Variants in DYNC2H1 observed in about 807,000 individuals in gnomAD.
The protein encoded by DYNC2H1 is dynein cytoplasmic 2 heavy chain 1.
A neutral mutation model predicts 570.0 loss-of-function variants in DYNC2H1; 410 were observed. The ratio of observed to expected loss-of-function variants is 0.72; its 90% CI spans 0.66 to 0.78. DYNC2H1 has a LOEUF of 0.78. DYNC2H1 is among the 30% of genes least tolerant of loss of function. The probability of loss-of-function intolerance (pLI) is 0.00; values close to 1 mark genes in which losing one functional copy is unlikely to be tolerated. For missense variants in DYNC2H1, 4,865 were observed against 5,046.4 expected (o/e 0.96, Z 1.09); for synonymous variants, 1,688 against 1,677.6 (o/e 1.01, Z -0.15).
chr11:103,109,690 TCAA>T lies in DYNC2H1; in HGVS notation c.121_123del (p.Asn41del), dbSNP rs1171980758. ...CCACTGTTGTGCAACTGTCTTGAAA[TCAA>T]CAACTTCTTGGATGACGGCAACCAG... On this transcript the variant is annotated inframe_deletion, in exon 1 of 89. Coordinates refer to ENST00000375735, the MANE Select transcript of DYNC2H1 (RefSeq NM_001377.3). The T allele has an allele frequency of 3.1e-6, 5 of 1,613,800 alleles. No individual in the cohort carries two copies. Among genetic ancestry groups the T allele is most frequent in the South Asian group, 1.1e-5 (1 of 91,078 alleles).
intron 70 of DYNC2H1, among the ~76,000 whole-genome samples, chr11:103,267,979 C>T (rs1407175888): frequency 2.0e-5 from 3 of 151,984 alleles, no homozygotes; most frequent in African/African-American, 7.2e-5. Context: ...ACTACTTCAT[C>T]TACTACTCTC....
rs1249911112 is a variant in DYNC2H1 at position 103,245,997 on chromosome 11, G to A, written c.10042+623G>A. Reference sequence around the variant, plus strand: ...AGCAAACTTTAAATAGAAAATTGATGTTATTGGGGCAACGCAGAGAAATAG... The same window carrying A: ...AGCAAACTTTAAATAGAAAATTGATATTATTGGGGCAACGCAGAGAAATAG... On this transcript the variant is annotated intron_variant, in intron 65 of 88. Transcript: ENST00000375735. This position sits in a 1 kb window ranked among gnomAD's most constrained non-coding sequence, Gnocchi z 4.5. 6.6e-6 allele frequency among the ~76,000 whole-genome samples: 1 copy of A among 152,062 alleles called. No homozygotes were observed. Among genetic ancestry groups the A allele is most frequent in the Non-Finnish European group, 1.5e-5 (1 of 67,992 alleles).
chr11:103,389,866 TTGTTA>T (rs1224606603), intron 83 of DYNC2H1, among the ~76,000 whole-genome samples: 1 of 152,160 alleles, frequency 6.6e-6, no homozygotes, highest in Admixed American at 6.5e-5. Flanking sequence ...GAGAGACAGT[TTGTTA>T]TAATTTCTGT....
At chr11:103,303,924 A>G (rs1867157835) in intron 76 of DYNC2H1, among the ~76,000 whole-genome samples, 1 of 152,118 alleles carries the variant, frequency 6.6e-6, no homozygotes, top group Admixed American at 6.6e-5. Flanking sequence ...GTTTATTTAC[A>G]CTTTATTTAC....
intron 83 of DYNC2H1, among the ~76,000 whole-genome samples, chr11:103,377,173 T>C (rs1941426845): frequency 6.6e-6 from 1 of 152,236 alleles, no homozygotes; most frequent in Non-Finnish European, 1.5e-5. Context: ...TGGGAAGTTT[T>C]CAGCTATTAT....
chr11:103,470,129 A>G (rs1945326249), intron 88 of DYNC2H1, among the ~76,000 whole-genome samples: 1 of 152,170 alleles, frequency 6.6e-6, no homozygotes, highest in Non-Finnish European at 1.5e-5. Flanking sequence ...CTGGAGCCAT[A>G]CCCACGTACT....
At position 103,115,235 on chromosome 11, in the gene DYNC2H1, T is replaced by A. The variant is rs1858325158; in HGVS notation, c.561T>A (p.Asn187Lys). The A allele has an allele frequency of 1.2e-6, 2 of 1,609,988 alleles. No homozygotes were observed. Among genetic ancestry groups the A allele is most frequent in the Non-Finnish European group, 1.7e-6 (2 of 1,178,030 alleles). The change falls in exon 4 of 89, where the codon AAT (asparagine) becomes AAA (lysine). Residue 187 changes from asparagine (N) to lysine (K), a missense_variant. Coordinates refer to ENST00000375735, the MANE Select transcript of DYNC2H1 (RefSeq NM_001377.3). Reference protein sequence around the residue: ...QFWIEQAHRGNKQISKERANY... With the variant: ...QFWIEQAHRGKKQISKERANY... ...GGATAGAACAAGCTCACCGTGGAAA[T>A]AAACAGATTAGTAAAGAAAGAGCCA...
At chr11:103,234,760 T>C (rs528592465) in intron 61 of DYNC2H1, among the ~76,000 whole-genome samples, 2 of 152,058 alleles carry the variant, frequency 1.3e-5, no homozygotes, top group African/African-American at 4.8e-5. Flanking sequence ...TACTGAGTTT[T>C]AAATGTGTAT....
chr11:103,300,330 C>T (rs763718781), intron 75 of DYNC2H1, among the ~76,000 whole-genome samples: 12 of 151,890 alleles, frequency 7.9e-5, no homozygotes, highest in Non-Finnish European at 1.5e-4. Flanking sequence ...AAATTATGGT[C>T]AGAATATAAA....
chr11:103,423,424 A>C (rs1943558102), intron 84 of DYNC2H1, among the ~76,000 whole-genome samples: 4 of 150,590 alleles, frequency 2.7e-5, no homozygotes. Context: ...AAAAAAAAAA[A>C]AAAAAAAAAA....
intron 17 of DYNC2H1, among the ~76,000 whole-genome samples, chr11:103,140,416 A>C (rs897986983): frequency 6.6e-6 from 1 of 152,008 alleles, no homozygotes. Flanking sequence ...GGTGGTGACA[A>C]AATCTCTCAG....
intron 73 of DYNC2H1, among the ~76,000 whole-genome samples, chr11:103,283,558 T>C (rs890794023): frequency 2.0e-5 from 3 of 152,182 alleles, no homozygotes; most frequent in African/African-American, 4.8e-5. Context: ...ACAGTAAGAA[T>C]AGCTAGCATT....
At chr11:103,284,268 T>C (rs1591522496) in intron 73 of DYNC2H1, among the ~76,000 whole-genome samples, 1 of 152,330 alleles carries the variant, frequency 6.6e-6, no homozygotes, top group East Asian at 1.9e-4. Flanking sequence ...CACTTGCCTA[T>C]GCTATATTCA....
Position 103,241,517 on chromosome 11 carries a change from A to G in DYNC2H1, c.9820-2176A>G. ...ATGTTACCTTTCTTCTTTTCATTTA[A>G]CTGCATCAGATCATTGGTTTGAAAT... On this transcript the variant is annotated intron_variant, in intron 63 of 88. Transcript: ENST00000375735. The surrounding 1 kb of genome is among the most constrained non-coding windows in gnomAD (Gnocchi z 5.1). The G allele has an allele frequency of 6.3e-7, 1 of 1,593,418 alleles. No individual in the cohort carries two copies. The highest frequency in any genetic ancestry group is 8.6e-7 in the Non-Finnish European group (1 of 1,164,656).
chr11:103,365,170 T>C (rs1315885253), intron 83 of DYNC2H1, among the ~76,000 whole-genome samples: 1 of 152,044 alleles, frequency 6.6e-6, no homozygotes, highest in Non-Finnish European at 1.5e-5. Context: ...GAAACCAGCC[T>C]GACAAACATG....
intron 76 of DYNC2H1, among the ~76,000 whole-genome samples, chr11:103,304,024 T>G (rs1349232072): frequency 6.6e-6 from 1 of 152,128 alleles, no homozygotes; most frequent in Non-Finnish European, 1.5e-5. Context: ...CTTTTGTTTG[T>G]TCAGGGTGCC....
In DYNC2H1 at chr11:103,286,345, T is replaced by G. The variant is rs1278636801; in HGVS notation, c.10981T>G (p.Phe3661Val). The change falls in exon 74 of 89, where the codon TTT becomes GTT. Residue 3661 changes from phenylalanine to valine, a missense_variant. Physicochemically the swap from Phe to Val is conservative, Grantham distance 50 (BLOSUM62 -1). This residue lies in a region of DYNC2H1 where 2,401 missense variants were observed against 2,454.6 expected (regional missense o/e 0.98). Transcript: ENST00000375735. ...TAATAATTCAATGTGTGAGCAAGAG[T>G]TTCCATCTATCCTTGCAAAGAAAGT... ...YYNNSMCEQE[F>V]PSILAKKVSL... is the part of the protein sequence containing the mutation. The G allele has an allele frequency of 1.2e-6, 2 of 1,613,480 alleles. No homozygotes were observed. The highest frequency in any genetic ancestry group is 1.7e-6 in the Non-Finnish European group (2 of 1,179,740).
Position 103,170,080 on chromosome 11 carries a change from A to G in DYNC2H1, c.4969-28A>G, listed in dbSNP as rs978700221. On this transcript the variant is annotated intron_variant, in intron 32 of 88. Coordinates refer to ENST00000375735, the MANE Select transcript of DYNC2H1 (RefSeq NM_001377.3). The surrounding 1 kb of genome is among the most constrained non-coding windows in gnomAD (Gnocchi z 4.8). ...TGTAAATGTTGAATAGAACATGAATACTCTGACTTTGTGTTGTTCTTGTAT... is the reference window on the plus strand; with the variant it reads ...TGTAAATGTTGAATAGAACATGAATGCTCTGACTTTGTGTTGTTCTTGTAT... 1.3e-6 allele frequency: 2 copies of G among 1,562,598 alleles called. No homozygotes were observed. Among genetic ancestry groups the G allele is most frequent in the African/African-American group, 1.4e-5 (1 of 72,994 alleles).
intron 85 of DYNC2H1, among the ~76,000 whole-genome samples, chr11:103,452,417 C>G (rs1944639604): frequency 6.6e-6 from 1 of 151,322 alleles, no homozygotes; most frequent in Non-Finnish European, 1.5e-5. Flanking sequence ...TTAATTTTGT[C>G]ACAATAATTA....
Sources: gnomAD v4.1 joint callset for allele counts (sites outside exome capture counted in the v4.1 genomes callset) on GRCh38, gnomAD v4.1.1 for gene constraint, gnomAD v4.1.1 regional missense constraint, Gnocchi (gnomAD v3.1) non-coding constraint, MANE v1.5 for transcripts, NCBI Gene and HGNC (gene_info 2026-07-23, HGNC 2026-07-21) for gene names.